ADARB1: variants seen among roughly 807,000 people sequenced by gnomAD.
ADARB1 encodes double-stranded RNA-specific editase 1.
ADARB1 carries 10 observed loss-of-function variants against 52.4 expected under a neutral mutation model. The observed-to-expected ratio is 0.19, with a 90% CI of 0.12 to 0.32. ADARB1 has a LOEUF of 0.32. Among genes scored for constraint, ADARB1 ranks in the 10% least tolerant of loss-of-function variants. The pLI, the probability that ADARB1 is intolerant of heterozygous loss-of-function variation, is 1.00. For missense variants in ADARB1, 643 were observed against 922.3 expected, an observed-to-expected ratio of 0.70 and a Z score of 3.92; for synonymous variants, 349 against 371.1, an observed-to-expected ratio of 0.94 and a Z score of 0.68.
intron 8 of ADARB1, among the ~76,000 whole-genome samples, chr21:45,189,902 A>G (rs2092233351): frequency 6.6e-6 from 1 of 152,134 alleles, no homozygotes; most frequent in Admixed American, 6.5e-5. Context: ...AGACAGTTTG[A>G]TTAAAATGTG....
intron 2 of ADARB1, among the ~76,000 whole-genome samples, chr21:45,149,436 G>A (rs1010738919): frequency 5.3e-5 from 8 of 152,220 alleles, no homozygotes; most frequent in Admixed American, 2.6e-4. Flanking sequence ...AATGGGGGCC[G>A]CATATCTTGT....
chr21:45,189,894 A>G (rs1161980532), intron 8 of ADARB1, among the ~76,000 whole-genome samples: 1 of 152,094 alleles, frequency 6.6e-6, no homozygotes, highest in African/African-American at 2.4e-5. Flanking sequence ...TTCACTTTAG[A>G]CAGTTTGATT....
At position 45,175,919 on chromosome 21, in the gene ADARB1, C is replaced by T; in HGVS notation, c.218C>T (p.Thr73Ile). Residue 73 changes from threonine (T) to isoleucine (I), a missense_variant, in exon 4 of 11, where the codon ACA becomes ATA. Thr to Ile is a moderately conservative substitution (Grantham distance 89, BLOSUM62 -1). This residue lies in a region of ADARB1 where 380 missense variants were observed against 446.5 expected (regional missense o/e 0.85). Transcript: ENST00000348831. ...SKYRLKKRRK[T>I]PGPVLPKNAL... ...TACCGCCTGAAGAAAAGGAGGAAAA[C>T]ACCAGGGCCCGTCCTCCCCAAGAAC... 6.2e-7 allele frequency: 1 copy of T among 1,609,732 alleles called. No individual in the cohort carries two copies. Among genetic ancestry groups the T allele is most frequent in the Non-Finnish European group, 8.5e-7 (1 of 1,177,914 alleles).
intron 2 of ADARB1, among the ~76,000 whole-genome samples, chr21:45,152,175 C>T (rs773381046): frequency 2.6e-5 from 4 of 152,152 alleles, no homozygotes; most frequent in Non-Finnish European, 5.9e-5. Context: ...GTGTGGTAGC[C>T]TGTTACTTTT....
intron 8 of ADARB1, among the ~76,000 whole-genome samples, chr21:45,199,382 C>T (rs1054020297): frequency 1.2e-4 from 19 of 152,296 alleles, no homozygotes; most frequent in South Asian, 4.1e-4. Context: ...CTGGGGTGGC[C>T]GGGCTTACAC....
intron 8 of ADARB1, among the ~76,000 whole-genome samples, chr21:45,188,014 G>A (rs9981110): frequency 0.022 from 3,352 of 152,196 alleles, 96 homozygotes; most frequent in African/African-American, 0.062. Flanking sequence ...AGTGAGCTTG[G>A]AAATGTTCTC....
At chr21:45,083,025 C>T (rs1601245655) in intron 1 of ADARB1, among the ~76,000 whole-genome samples, 2 of 152,306 alleles carry the variant, frequency 1.3e-5, no homozygotes, top group South Asian at 4.1e-4. Context: ...TTGTGTGCTG[C>T]GTGCCCTGCT....
At chr21:45,139,166 C>T (rs1402676609) in intron 2 of ADARB1, among the ~76,000 whole-genome samples, 1 of 152,102 alleles carries the variant, frequency 6.6e-6, no homozygotes, top group Admixed American at 6.5e-5. Flanking sequence ...GGTGATCCAC[C>T]CATCTCAGCC....
chr21:45,218,803 A>C (rs2092913317), intron 9 of ADARB1, among the ~76,000 whole-genome samples: 4 of 152,226 alleles, frequency 2.6e-5, no homozygotes. Context: ...GTCATCTGAG[A>C]GTGCAGTGTG....
At chr21:45,210,140 G>A (rs995549300) in intron 9 of ADARB1, among the ~76,000 whole-genome samples, 2 of 152,174 alleles carry the variant, frequency 1.3e-5, no homozygotes, top group African/African-American at 4.8e-5. Flanking sequence ...ATCTCTGTTG[G>A]GTTTTCAGTG....
At chr21:45,103,072 C>T (rs2087095710) in intron 1 of ADARB1, among the ~76,000 whole-genome samples, 1 of 152,174 alleles carries the variant, frequency 6.6e-6, no homozygotes, top group African/African-American at 2.4e-5. Context: ...CAGATCCCAG[C>T]TGAGGGACAG....
Position 45,142,679 on chromosome 21 carries a change from G to A in ADARB1, c.-48+14106G>A, listed in dbSNP as rs1784928348. On this transcript the variant is annotated intron_variant, in intron 2 of 10. Coordinates refer to ENST00000348831, the MANE Select transcript of ADARB1 (RefSeq NM_001112.4). This position sits in a 1 kb window ranked among gnomAD's most constrained non-coding sequence, Gnocchi z 4.0. ...GCCAGGCTGCTCCCCATGAGGTGGT[G>A]GGAGCCGTGTGGGATCTGCCTACTG... Among the ~76,000 whole-genome samples, 1 of 152,164 alleles carries A rather than the reference G, an allele frequency of 6.6e-6. No homozygotes were observed. Among genetic ancestry groups the A allele is most frequent in the African/African-American group, 2.4e-5 (1 of 41,444 alleles).
At chr21:45,112,890 TGTGA>T (rs2087608214) in intron 1 of ADARB1, among the ~76,000 whole-genome samples, 1 of 152,172 alleles carries the variant, frequency 6.6e-6, no homozygotes, top group South Asian at 2.1e-4. Context: ...GATGCCCCTC[TGTGA>T]GTTGTGAGGG....
chr21:45,181,256 C>G (rs1321443454), intron 5 of ADARB1, among the ~76,000 whole-genome samples: 1 of 152,202 alleles, frequency 6.6e-6, no homozygotes, highest in African/African-American at 2.4e-5. Context: ...TTGTTCTTTC[C>G]CCCTGAGGGG....
intron 9 of ADARB1, among the ~76,000 whole-genome samples, chr21:45,209,542 A>C (rs1316701102): frequency 6.6e-6 from 1 of 152,082 alleles, no homozygotes; most frequent in African/African-American, 2.4e-5. Context: ...GGGACTGTGG[A>C]TGTCTGGGCT....
Position 45,152,572 on chromosome 21 carries a change from AGGCTGGGGCCGGCCG to A in ADARB1, c.-47-19036_-47-19022del, listed in dbSNP as rs1366844107. The A allele has an allele frequency of 2.3e-5, 8 of 353,174 alleles. No homozygotes were observed. The Admixed American group carries it at 2.6e-4, about 12-fold the overall frequency. The allele number at this position is 353,174 out of a possible 1,614,324, so 21.9% of individuals were successfully genotyped here. A position where few individuals can be genotyped will look rare whatever the true frequency, so the allele number is the denominator to read the frequency against. On this transcript the variant is annotated intron_variant, in intron 2 of 10. Transcript: ENST00000348831. ...CCCCGAGTGACTGAGGGACAGAATG[AGGCTGGGGCCGGCCG>A]GACTGGCATTGGCGTGTCTGCATGG...
At chr21:45,078,186 A>G (rs1191461786) in intron 1 of ADARB1, among the ~76,000 whole-genome samples, 1 of 152,164 alleles carries the variant, frequency 6.6e-6, no homozygotes, top group South Asian at 2.1e-4. Flanking sequence ...ATGGAACAGG[A>G]AGGGGGATGA....
At chr21:45,161,883 T>C (rs394608) in intron 2 of ADARB1, among the ~76,000 whole-genome samples, 77,906 of 152,030 alleles carry the variant, frequency 0.51, 20,087 homozygotes, top group South Asian at 0.57. Context: ...GAAGACAGGA[T>C]GACCTGCTTA....
chr21:45,217,571 T>C (rs893597005), intron 9 of ADARB1, among the ~76,000 whole-genome samples: 9 of 152,210 alleles, frequency 5.9e-5, no homozygotes, highest in African/African-American at 2.2e-4. Flanking sequence ...TATTTTCATC[T>C]TAATAATTAT....
Sources: gnomAD v4.1 joint callset for allele counts (sites outside exome capture counted in the v4.1 genomes callset) on GRCh38, gnomAD v4.1.1 for gene constraint, gnomAD v4.1.1 regional missense constraint, Gnocchi (gnomAD v3.1) non-coding constraint, MANE v1.5 for transcripts, NCBI Gene and HGNC (gene_info 2026-07-23, HGNC 2026-07-21) for gene names.